TMTC2: variants seen among roughly 807,000 people sequenced by gnomAD.
TMTC2 encodes the protein transmembrane O-mannosyltransferase targeting cadherins 2, also known as protein O-mannosyl-transferase TMTC2.
Under a neutral mutation model 82.4 loss-of-function variants are expected in TMTC2, and 43 were observed. That is an observed-to-expected ratio of 0.52 (90% CI 0.41 to 0.67). The LOEUF (loss-of-function observed/expected upper bound fraction) is 0.67, where lower values mean the gene tolerates loss of function less well. Among genes scored for constraint, TMTC2 ranks in the 30% least tolerant of loss-of-function variants. The pLI, the probability that TMTC2 is intolerant of heterozygous loss-of-function variation, is 0.00. For missense variants in TMTC2, 919 were observed against 1,012.4 expected (o/e 0.91, Z 1.25); for synonymous variants, 408 against 381.9 (o/e 1.07, Z -0.80).
At chr12:83,119,891 T>G (rs911342324) in intron 11 of TMTC2, among the ~76,000 whole-genome samples, 1 of 152,226 alleles carries the variant, frequency 6.6e-6, no homozygotes, top group Admixed American at 6.5e-5. Context: ...CATTATGTAA[T>G]GTCCCTCTTT....
intron 1 of TMTC2, among the ~76,000 whole-genome samples, chr12:82,744,783 G>A (rs1009620541): frequency 1.3e-5 from 2 of 152,136 alleles, no homozygotes; most frequent in African/African-American, 4.8e-5. Flanking sequence ...GCTAGCAGAA[G>A]GTTGCTGCAG....
chr12:83,053,554 A>T (rs1882429929), intron 10 of TMTC2, among the ~76,000 whole-genome samples: 2 of 152,052 alleles, frequency 1.3e-5, no homozygotes, highest in African/African-American at 4.8e-5. Context: ...AAAAGAAAAA[A>T]ATTGTCATTC....
intron 9 of TMTC2, among the ~76,000 whole-genome samples, chr12:83,040,696 T>C (rs1325939807): frequency 1.3e-5 from 2 of 150,050 alleles, no homozygotes; most frequent in Non-Finnish European, 3.0e-5. Flanking sequence ...TTTTTTTTTT[T>C]TTCTTTTGAG....
chr12:82,885,810 T>A (rs1221212381), intron 2 of TMTC2, among the ~76,000 whole-genome samples: 1 of 152,184 alleles, frequency 6.6e-6, no homozygotes, highest in African/African-American at 2.4e-5. Flanking sequence ...TTTTTCAGGT[T>A]TCTCCACCGT....
intron 4 of TMTC2, among the ~76,000 whole-genome samples, chr12:82,940,601 T>C (rs867114519): frequency 2.0e-4 from 31 of 151,982 alleles, no homozygotes; most frequent in African/African-American, 6.5e-4. Flanking sequence ...TTCCCAAATA[T>C]GTTTTGCTTT....
intron 5 of TMTC2, 113 bp downstream of exon 5, chr12:82,965,222 C>A: frequency 1.3e-6 from 1 of 763,774 alleles, no homozygotes; most frequent in African/African-American, 1.8e-5. Context: ...TGAATACTCG[C>A]TAATCAGATT....
intron 8 of TMTC2, among the ~76,000 whole-genome samples, chr12:83,001,386 G>A (rs11503555): frequency 0.029 from 4,387 of 151,804 alleles, 214 homozygotes; most frequent in African/African-American, 0.1. Context: ...GCCTGTAATC[G>A]TAGCACTTTG....
intron 8 of TMTC2, among the ~76,000 whole-genome samples, chr12:82,995,294 A>C (rs546215626): frequency 6.6e-6 from 1 of 151,360 alleles, no homozygotes; most frequent in South Asian, 2.1e-4. Context: ...TTACAAAAGG[A>C]AATGTATTTT....
intron 8 of TMTC2, among the ~76,000 whole-genome samples, chr12:83,003,067 C>A (rs1045185547): frequency 8.5e-5 from 13 of 152,100 alleles, no homozygotes; most frequent in African/African-American, 3.1e-4. Context: ...TTCATCACTG[C>A]AGAAGAACTT....
At chr12:82,861,156 C>T (rs1395114287) in intron 2 of TMTC2, among the ~76,000 whole-genome samples, 6 of 152,130 alleles carry the variant, frequency 3.9e-5, no homozygotes, top group African/African-American at 9.7e-5. Flanking sequence ...AAATGTTTAA[C>T]CCTGTTACTC....
chr12:82,738,651 G>A (rs1000882466), intron 1 of TMTC2, among the ~76,000 whole-genome samples: 2 of 152,110 alleles, frequency 1.3e-5, no homozygotes, highest in African/African-American at 2.4e-5. Context: ...GTAAGAAAAC[G>A]TGATAGTTAA....
In TMTC2 at chr12:82,687,378, C is replaced by A. The variant is rs1420267496; in HGVS notation, c.-209C>A. ...GGGGAGTGTGGTGTGAGCCCGCACC[C>A]GGGGAGGACGCAGGAGCTGCGGAGA... On this transcript the variant is annotated 5_prime_UTR_variant, in exon 1 of 12. Transcript: ENST00000321196. 3.5e-6 allele frequency: 2 copies of A among 570,006 alleles called. No individual in the cohort carries two copies. Among genetic ancestry groups the A allele is most frequent in the Non-Finnish European group, 6.2e-6 (2 of 322,580 alleles). The allele number at this position is 570,006 out of a possible 1,614,324, so 35.3% of individuals were successfully genotyped here.
chr12:82,963,170 T>C (rs1878018159), intron 4 of TMTC2, among the ~76,000 whole-genome samples: 1 of 151,994 alleles, frequency 6.6e-6, no homozygotes, highest in African/African-American at 2.4e-5. Flanking sequence ...AAAGAAAATC[T>C]GGCTTTGAAG....
At chr12:82,805,109 C>T (rs2137041442) in intron 1 of TMTC2, among the ~76,000 whole-genome samples, 1 of 152,170 alleles carries the variant, frequency 6.6e-6, no homozygotes, top group Non-Finnish European at 1.5e-5. Context: ...CTGTATTTGT[C>T]CCTATTGGCT....
intron 1 of TMTC2, among the ~76,000 whole-genome samples, chr12:82,754,386 A>G (rs1876184058): frequency 2.0e-5 from 3 of 152,210 alleles, no homozygotes; most frequent in Admixed American, 6.5e-5. Context: ...ATTTATTTAT[A>G]TAACAAAACT....
At chr12:82,822,140 A>G (rs891801985) in intron 1 of TMTC2, among the ~76,000 whole-genome samples, 1 of 152,218 alleles carries the variant, frequency 6.6e-6, no homozygotes, top group East Asian at 1.9e-4. Flanking sequence ...GCAGTAAAAG[A>G]TGAATGGTTG....
At chr12:83,114,815 T>A (rs1465475861) in intron 11 of TMTC2, among the ~76,000 whole-genome samples, 1 of 152,014 alleles carries the variant, frequency 6.6e-6, no homozygotes, top group Non-Finnish European at 1.5e-5. Context: ...ATGTCTATAC[T>A]TCTTGCCATC....
chr12:83,051,932 C>T (rs1882362591), intron 10 of TMTC2, among the ~76,000 whole-genome samples: 2 of 152,040 alleles, frequency 1.3e-5, no homozygotes, highest in African/African-American at 4.8e-5. Flanking sequence ...ATGTTTTTAA[C>T]TGGTTTTAAT....
intron 7 of TMTC2, among the ~76,000 whole-genome samples, chr12:82,984,311 G>C (rs1565839206): frequency 6.6e-6 from 1 of 151,864 alleles, no homozygotes; most frequent in Non-Finnish European, 1.5e-5. Context: ...TGTGTGAGTG[G>C]GTAAAAATGT....
Sources: allele counts gnomAD v4.1 joint callset (sites outside exome capture counted in the v4.1 genomes callset), GRCh38; gene constraint gnomAD v4.1.1; transcripts MANE v1.5; gene names NCBI Gene and HGNC (gene_info 2026-07-23, HGNC 2026-07-21).